CAMSAP1: variants seen among roughly 807,000 people sequenced by gnomAD.
CAMSAP1 encodes calmodulin-regulated spectrin-associated protein 1.
Under a neutral mutation model 143.5 loss-of-function variants are expected in CAMSAP1, and 58 were observed. The ratio of observed to expected loss-of-function variants is 0.40; its 90% confidence interval spans 0.33 to 0.50. The LOEUF (loss-of-function observed/expected upper bound fraction) is 0.50, where lower values mean the gene tolerates loss of function less well. Among genes scored for constraint, CAMSAP1 ranks in the 20% least tolerant of loss-of-function variants. The pLI is 0.45. For synonymous variants in CAMSAP1, 945 were observed against 859.3 expected (o/e 1.10, Z -1.74); for missense variants, 1,969 against 2,115.7 (o/e 0.93, Z 1.36).
intron 7 of CAMSAP1, among the ~76,000 whole-genome samples, chr9:135,842,984 C>T (rs1836413999): frequency 1.3e-5 from 2 of 152,202 alleles, no homozygotes; most frequent in South Asian, 2.1e-4. Context: ...CAAATTCACA[C>T]ATAACAATAT....
At chr9:135,861,030 A>T (rs966729575) in intron 5 of CAMSAP1, among the ~76,000 whole-genome samples, 5 of 152,172 alleles carry the variant, frequency 3.3e-5, no homozygotes, top group African/African-American at 1.2e-4. Flanking sequence ...CCGTGTACCC[A>T]AGAGCTGCAT....
At chr9:135,871,011 A>AAAT (rs1170484620) in intron 3 of CAMSAP1, among the ~76,000 whole-genome samples, 1 of 152,210 alleles carries the variant, frequency 6.6e-6, no homozygotes, top group East Asian at 1.9e-4. Context: ...AAGACTGTGA[A>AAAT]AATACTATCC....
rs1327332765 is a variant in CAMSAP1 at position 135,821,664 on chromosome 9, A to C, written c.2997T>G (p.Asn999Lys). 1 of 1,613,776 alleles carries C rather than the reference A, an allele frequency of 6.2e-7. No homozygotes were observed. Among genetic ancestry groups the C allele is most frequent in the Admixed American group, 1.7e-5 (1 of 59,998 alleles). Residue 999 changes from asparagine to lysine, a missense_variant, in exon 11 of 17, where the codon AAT (asparagine) becomes AAG (lysine). By Grantham distance (94) the Asn-to-Lys change is moderately conservative (BLOSUM62 0). Around this residue, in one of 4 missense-constraint regions of CAMSAP1, gnomAD observed 1,390 missense variants for 1,420.8 expected, o/e 0.98. Coordinates refer to ENST00000389532, the MANE Select transcript of CAMSAP1 (RefSeq NM_015447.4). This position sits in a 1 kb window ranked among gnomAD's most constrained non-coding sequence, Gnocchi z 4.6. The part of the protein sequence containing the change: ...DPVALHELER[N>K]KVISAALLED... The stretch of plus-strand genomic sequence containing the variant: ...CCAGGAGGGCAGCGGAGATCACCTT[A>C]TTTCTCTCCAGCTCGTGCAGAGCCA...
chr9:135,829,848 G>C (rs1047922885), intron 7 of CAMSAP1, among the ~76,000 whole-genome samples: 3 of 88,806 alleles, frequency 3.4e-5, no homozygotes, highest in African/African-American at 1.2e-4. Context: ...GCGAGACTCT[G>C]TCATAAATAA....
rs770657454 is a variant in CAMSAP1, at chr9:135,818,102, A to G, written c.4169-23T>C. 40 of 1,609,780 alleles carry G rather than the reference A, an allele frequency of 2.5e-5. No homozygotes were observed. The highest frequency in any genetic ancestry group is 1.6e-4 in the Middle Eastern group (1 of 6,080). On this transcript the variant is annotated intron_variant, in intron 13 of 16. Coordinates refer to ENST00000389532, the MANE Select transcript of CAMSAP1 (RefSeq NM_015447.4). The surrounding 1 kb of genome is among the most constrained non-coding windows in gnomAD (Gnocchi z 7.7). ...CAGCTGCCAGAGACAGAAACAGACG[A>G]CGGTTCATGAACGGATTCCGACAGA...
rs1451491789 is a variant in CAMSAP1, at chr9:135,811,537, G to A, written c.4581C>T (p.Tyr1527=). 6.2e-7 allele frequency: 1 copy of A among 1,606,202 alleles called. No individual in the cohort carries two copies. The highest frequency in any genetic ancestry group is 8.5e-7 in the Non-Finnish European group (1 of 1,176,036). The change falls in exon 17 of 17, where the codon TAC becomes TAT. Residue 1527 remains tyrosine (Y), a synonymous_variant. Coordinates refer to ENST00000389532, the MANE Select transcript of CAMSAP1 (RefSeq NM_015447.4). The surrounding 1 kb of genome is among the most constrained non-coding windows in gnomAD (Gnocchi z 4.9). ...TTTCCTCAGTATCAGGATAGTAGCA[G>A]TAAAGCGCCCTGAACTGGCAGCCAG... ...RDAGCQFRAL[Y]CYYPDTEEIY...
chr9:135,861,886 C>G (rs1837205854), intron 5 of CAMSAP1, among the ~76,000 whole-genome samples: 1 of 152,230 alleles, frequency 6.6e-6, no homozygotes, highest in African/African-American at 2.4e-5. Flanking sequence ...CACTCTCTCT[C>G]TCTCCTCGTT....
Position 135,843,931 on chromosome 9 carries a change from A to G in CAMSAP1, c.1045+6206T>C, listed in dbSNP as rs575808067. ...ACTATCCTAAATCTGTATGCCCCCA[A>G]TAGAGGAGCACCCAGATTCATAAAG... On this transcript the variant is annotated intron_variant, in intron 7 of 16. Coordinates refer to ENST00000389532, the MANE Select transcript of CAMSAP1 (RefSeq NM_015447.4). Among the ~76,000 whole-genome samples the G allele has an allele frequency of 8.5e-5, 13 of 152,166 alleles. No individual in the cohort carries two copies. The South Asian group carries it at 1.9e-3, about 22-fold the overall frequency.
intron 1 of CAMSAP1, among the ~76,000 whole-genome samples, chr9:135,885,171 C>T (rs1838083505): frequency 6.6e-6 from 1 of 152,174 alleles, no homozygotes; most frequent in Admixed American, 6.5e-5. Context: ...CCTCACTTCT[C>T]CAAATATTGG....
chr9:135,892,030 G>A (rs1588508594), intron 1 of CAMSAP1, among the ~76,000 whole-genome samples: 1 of 152,196 alleles, frequency 6.6e-6, no homozygotes, highest in South Asian at 2.1e-4. Flanking sequence ...GGCAAGTCTT[G>A]AAGTATGAGA....
In CAMSAP1 at chr9:135,811,636, G is replaced by A. The variant is rs1334262948; in HGVS notation, c.4507-25C>T. 3 of 1,559,938 alleles carry A rather than the reference G, an allele frequency of 1.9e-6. No homozygotes were observed. Among genetic ancestry groups the A allele is most frequent in the Admixed American group, 1.9e-5 (1 of 52,170 alleles). ...CCTGTGCAGAGAGAGAAAAGGGGAA[G>A]AGACAAACACTTCAGGGCCACTCCA... On this transcript the variant is annotated intron_variant, in intron 16 of 16. Coordinates refer to ENST00000389532, the MANE Select transcript of CAMSAP1 (RefSeq NM_015447.4). This position sits in a 1 kb window ranked among gnomAD's most constrained non-coding sequence, Gnocchi z 4.9.
intron 1 of CAMSAP1, among the ~76,000 whole-genome samples, chr9:135,892,859 A>AAAAAAAAAAAAAAAAAAAC (rs1838328413): frequency 6.8e-6 from 1 of 147,612 alleles, no homozygotes; most frequent in Non-Finnish European, 1.5e-5. Context: ...AAAAAAAAAA[A>AAAAAAAAAAAAAAAAAAAC]AAAAAAAAGA....
At chr9:135,828,162 C>T (rs1835741673) in intron 7 of CAMSAP1, among the ~76,000 whole-genome samples, 1 of 152,256 alleles carries the variant, frequency 6.6e-6, no homozygotes, top group African/African-American at 2.4e-5. Context: ...TTGGCCCACG[C>T]CTGCTCACCC....
intron 3 of CAMSAP1, among the ~76,000 whole-genome samples, chr9:135,875,554 T>A (rs1449858768): frequency 1.3e-5 from 2 of 152,168 alleles, no homozygotes; most frequent in African/African-American, 4.8e-5. Context: ...CTGGAAGACT[T>A]AACATTGTCC....
chr9:135,877,130 G>A (rs1837777536), intron 3 of CAMSAP1, among the ~76,000 whole-genome samples: 1 of 152,076 alleles, frequency 6.6e-6, no homozygotes, highest in Non-Finnish European at 1.5e-5. Flanking sequence ...ACGAACCATG[G>A]TATATGCACA....
rs1191215804 is a variant in CAMSAP1 at position 135,862,615 on chromosome 9, T to C, written c.667-7A>G. 5 of 1,551,564 alleles carry C rather than the reference T, an allele frequency of 3.2e-6. No individual in the cohort carries two copies. Among genetic ancestry groups the C allele is most frequent in the Non-Finnish European group, 4.4e-6 (5 of 1,146,986 alleles). ...GCTCTCGTCGATAGCGGACCTGTAG[T>C]TGATAAAAGGAAAACGGTCTCTGCA... On this transcript the variant is annotated splice_polypyrimidine_tract_variant and splice_region_variant and intron_variant, in intron 4 of 16. Coordinates refer to ENST00000389532, the MANE Select transcript of CAMSAP1 (RefSeq NM_015447.4).
chr9:135,881,297 G>T (rs995838930), intron 3 of CAMSAP1, among the ~76,000 whole-genome samples: 3 of 151,814 alleles, frequency 2.0e-5, no homozygotes, highest in Non-Finnish European at 4.4e-5. Context: ...GGTCAAGGCT[G>T]CAGTAAGCCA....
chr9:135,899,298 G>A (rs1355490450), intron 1 of CAMSAP1, among the ~76,000 whole-genome samples: 1 of 151,636 alleles, frequency 6.6e-6, no homozygotes, highest in East Asian at 1.9e-4. Context: ...TCTCTCAAAG[G>A]TCCAAAATGG....
chr9:135,841,306 C>G (rs1836339956), intron 7 of CAMSAP1, among the ~76,000 whole-genome samples: 1 of 152,214 alleles, frequency 6.6e-6, no homozygotes, highest in Admixed American at 6.5e-5. Flanking sequence ...CTAGATTCCT[C>G]CTCTCTGAGC....
Sources: allele counts gnomAD v4.1 joint callset (sites outside exome capture counted in the v4.1 genomes callset), GRCh38; gene constraint gnomAD v4.1.1; regional missense constraint gnomAD v4.1.1; non-coding constraint Gnocchi (gnomAD v3.1); transcripts MANE v1.5; gene names NCBI Gene and HGNC (gene_info 2026-07-23, HGNC 2026-07-21).